The following SEMA3A variants were observed in gnomAD, a reference collection of about 807,000 sequenced individuals.
SEMA3A encodes semaphorin-3A.
SEMA3A carries 29 observed loss-of-function variants against 97.9 expected under a neutral mutation model. The ratio of observed to expected loss-of-function variants is 0.30; its 90% confidence interval spans 0.22 to 0.40. SEMA3A has a LOEUF of 0.40. SEMA3A is among the 10% of genes least tolerant of loss of function. SEMA3A has a pLI of 1.00. For synonymous variants in SEMA3A, 321 were observed against 323.7 expected, an observed-to-expected ratio of 0.99 and a Z score of 0.09; for missense variants, 763 against 951.3, an observed-to-expected ratio of 0.80 and a Z score of 2.60.
At chr7:84,454,052 T>G (rs1805628704) in intron 1 of SEMA3A, among the ~76,000 whole-genome samples, 2 of 152,328 alleles carry the variant, frequency 1.3e-5, no homozygotes, top group Non-Finnish European at 2.9e-5. Context: ...TGCAATTATT[T>G]ACAGTACATG....
intron 2 of SEMA3A, among the ~76,000 whole-genome samples, chr7:84,358,937 C>T (rs1304712316): frequency 1.3e-5 from 2 of 151,984 alleles, no homozygotes; most frequent in Admixed American, 6.6e-5. Context: ...GGCTGTTTGT[C>T]TGTTATTGGT....
chr7:84,211,664 T>C (rs1414389315), intron 3 of SEMA3A, among the ~76,000 whole-genome samples: 2 of 151,832 alleles, frequency 1.3e-5, no homozygotes, highest in Non-Finnish European at 2.9e-5. Context: ...TTGGCACAGA[T>C]AAATGGAGAC....
At chr7:84,291,840 TG>T (rs1800755041) in intron 3 of SEMA3A, among the ~76,000 whole-genome samples, 1 of 152,132 alleles carries the variant, frequency 6.6e-6, no homozygotes, top group African/African-American at 2.4e-5. Context: ...TTTATTCCTT[TG>T]GGCAAAATAG....
At chr7:84,367,756 A>T (rs1390443209) in intron 2 of SEMA3A, among the ~76,000 whole-genome samples, 4 of 151,190 alleles carry the variant, frequency 2.6e-5, no homozygotes, top group Admixed American at 2.0e-4. Flanking sequence ...GTAGAGGCAG[A>T]TCCGGTTGAA....
chr7:84,028,093 A>G (rs2116457109), intron 6 of SEMA3A, among the ~76,000 whole-genome samples: 1 of 152,310 alleles, frequency 6.6e-6, no homozygotes, highest in Admixed American at 6.5e-5. Flanking sequence ...AAAAAGAAAG[A>G]TGATTGATGA....
chr7:84,445,004 G>C (rs1323350208), intron 1 of SEMA3A, among the ~76,000 whole-genome samples: 1 of 152,134 alleles, frequency 6.6e-6, no homozygotes, highest in Non-Finnish European at 1.5e-5. Context: ...TGCTCTGATA[G>C]AGGCTCTTTT....
At chr7:84,413,688 T>A (rs775290189) in intron 1 of SEMA3A, among the ~76,000 whole-genome samples, 4 of 151,986 alleles carry the variant, frequency 2.6e-5, no homozygotes, top group Non-Finnish European at 5.9e-5. Context: ...GTAGTAGAAG[T>A]AAAAATCAAT....
intron 2 of SEMA3A, among the ~76,000 whole-genome samples, chr7:84,343,667 AGTATGGATGG>A (rs1802226296): frequency 6.6e-6 from 1 of 152,106 alleles, no homozygotes. Context: ...TAAAATTAGC[AGTATGGATGG>A]GGAGAGGAGG....
At chr7:84,340,768 G>A (rs1372944992) in intron 2 of SEMA3A, among the ~76,000 whole-genome samples, 7 of 112,764 alleles carry the variant, frequency 6.2e-5, no homozygotes, top group South Asian at 3.2e-4. Context: ...CAATAAGAGC[G>A]AAACTCCATC....
rs1788281783 is a variant in SEMA3A, at chr7:83,956,499, G to C, written c.*4872C>G. The C allele has an allele frequency of 6.6e-6, 1 of 152,126 alleles. No homozygotes were observed. 9.4% of individuals were successfully genotyped at this position (152,126 alleles called of 1,614,324 possible). A position where few individuals can be genotyped will look rare whatever the true frequency, so the allele number is the denominator to read the frequency against. ...GACGGTTGTGGGAACACTGTCTAGT[G>C]CTATGACTTTAGCTGAGTAAAGATA... On this transcript the variant is annotated 3_prime_UTR_variant, in exon 17 of 17. Transcript: ENST00000265362.
At chr7:84,096,301 A>G (rs1794770409) in intron 4 of SEMA3A, among the ~76,000 whole-genome samples, 1 of 152,086 alleles carries the variant, frequency 6.6e-6, no homozygotes, top group Non-Finnish European at 1.5e-5. Context: ...TATAAAGTGA[A>G]GGATAGGAAC....
intron 3 of SEMA3A, among the ~76,000 whole-genome samples, chr7:84,289,886 AATGGTGTAT>A (rs1477815136): frequency 2.6e-5 from 4 of 152,162 alleles, no homozygotes; most frequent in Non-Finnish European, 5.9e-5. Context: ...TTGATTGATA[AATGGTGTAT>A]AAATTGTGGC....
chr7:84,119,175 A>C (rs142721260), intron 3 of SEMA3A, among the ~76,000 whole-genome samples: 2 of 152,178 alleles, frequency 1.3e-5, no homozygotes, highest in Non-Finnish European at 2.9e-5. Context: ...ATACTAAAAA[A>C]ACTATCTTTT....
At chr7:84,155,290 G>A (rs2116142019) in intron 1 of SEMA3A, among the ~76,000 whole-genome samples, 1 of 152,190 alleles carries the variant, frequency 6.6e-6, no homozygotes, top group East Asian at 1.9e-4. Flanking sequence ...AGGCTCAAAT[G>A]TGCACATCTC....
intron 1 of SEMA3A, among the ~76,000 whole-genome samples, chr7:84,390,084 T>G (rs1803501721): frequency 6.6e-6 from 1 of 152,080 alleles, no homozygotes; most frequent in African/African-American, 2.4e-5. Context: ...TTATGATTAT[T>G]TTTTACCAAA....
Position 84,212,241 on chromosome 7 carries a change from G to A in SEMA3A, c.-82-17573C>T, listed in dbSNP as rs541580609. ...GCTCTCTCTTTCTCAAATATAAAAA[G>A]ATTTAAGAATTATTTTCTGTCCTAG... On this transcript the variant is annotated intron_variant, in intron 3 of 3. Coordinates refer to the SEMA3A transcript ENST00000424555. 4.6e-5 allele frequency among the ~76,000 whole-genome samples: 7 copies of A among 152,202 alleles called. No homozygotes were observed. In the South Asian group the frequency reaches 8.3e-4, roughly 18 times the overall value.
chr7:84,392,401 T>A (rs993471190), intron 1 of SEMA3A, among the ~76,000 whole-genome samples: 1 of 152,184 alleles, frequency 6.6e-6, no homozygotes, highest in Non-Finnish European at 1.5e-5. Flanking sequence ...ATAAGGTATC[T>A]TCCTTGTTTT....
chr7:84,051,753 T>C (rs936251281), intron 5 of SEMA3A, among the ~76,000 whole-genome samples: 31 of 152,078 alleles, frequency 2.0e-4, no homozygotes, highest in African/African-American at 7.2e-4. Context: ...CTATGTTGAA[T>C]AGGAGTGGTG....
chr7:83,961,547 T>G lies in SEMA3A; in HGVS notation c.2140A>C (p.Asn714His), dbSNP rs1303697786. Residue 714 changes from asparagine to histidine, a missense_variant, in exon 17 of 17, where the codon AAT (asparagine) becomes CAT (histidine). Coordinates refer to ENST00000265362, the MANE Select transcript of SEMA3A (RefSeq NM_006080.3). ...RDFMQLINHP[N>H]LNTMDEFCEQ... ...CAGAACTCATCCATTGTGTTGAGATTGGGGTGGTTGATGAGCTGCATGAAG... is the reference window on the plus strand; with the variant it reads ...CAGAACTCATCCATTGTGTTGAGATGGGGGTGGTTGATGAGCTGCATGAAG... 1 of 1,614,096 alleles carries G rather than the reference T, an allele frequency of 6.2e-7. No individual in the cohort carries two copies. Among genetic ancestry groups the G allele is most frequent in the South Asian group, 1.1e-5 (1 of 91,084 alleles).
Sources: allele counts gnomAD v4.1 joint callset (sites outside exome capture counted in the v4.1 genomes callset), GRCh38; gene constraint gnomAD v4.1.1; transcripts MANE v1.5; gene names NCBI Gene and HGNC (gene_info 2026-07-23, HGNC 2026-07-21).